CSF1R: variants seen among roughly 807,000 people sequenced by gnomAD.
The protein encoded by CSF1R is macrophage colony-stimulating factor 1 receptor.
A neutral mutation model predicts 110.0 loss-of-function variants in CSF1R; 40 were observed. That is an observed-to-expected ratio of 0.36 (90% CI 0.28 to 0.47). The LOEUF (loss-of-function observed/expected upper bound fraction) is 0.47. Among genes scored for constraint, CSF1R ranks in the 20% least tolerant of loss-of-function variants. The probability of loss-of-function intolerance (pLI) is 0.99; values close to 1 mark genes in which losing one functional copy is unlikely to be tolerated. For missense variants in CSF1R, 1,052 were observed against 1,253.0 expected (o/e 0.84, Z 2.42); for synonymous variants, 523 against 503.4 (o/e 1.04, Z -0.52).
At chr5:150,078,347 T>C (rs1333629508) in intron 3 of CSF1R, 99 bp from the exon 4 acceptor site, 2 of 1,444,190 alleles carry the variant, frequency 1.4e-6, no homozygotes, top group Non-Finnish European at 1.9e-6. Context: ...CAGGCCAGGG[T>C]CCCCATCACT....
At chr5:150,054,456 A>G (rs1191369248) in intron 19 of CSF1R, 26 bp from the exon 20 acceptor site, 37 of 1,588,878 alleles carry the variant, frequency 2.3e-5, no homozygotes, top group African/African-American at 4.0e-5. Context: ...GAGGATGCCC[A>G]TGGGCAGCTC....
chr5:150,093,796 G>C (rs934521795), intron 1 of CSF1R, among the ~76,000 whole-genome samples: 1 of 152,172 alleles, frequency 6.6e-6, no homozygotes, highest in Non-Finnish European at 1.5e-5. Flanking sequence ...GGGCACAGTG[G>C]CTCACGCCTG....
chr5:150,060,348 GAAAA>G (rs71992938), intron 13 of CSF1R, among the ~76,000 whole-genome samples: 1 of 143,770 alleles, frequency 7.0e-6, no homozygotes, highest in East Asian at 2.0e-4. Flanking sequence ...AACAAAAAAT[GAAAA>G]AAAAAAGACA....
At position 150,057,369 on chromosome 5, in the gene CSF1R, T is replaced by C. The variant is rs1270799934; in HGVS notation, c.2237A>G (p.Asp746Gly). 3 of 1,613,978 alleles carry C rather than the reference T, an allele frequency of 1.9e-6. No homozygotes were observed. Among genetic ancestry groups the C allele is most frequent in the Non-Finnish European group, 2.5e-6 (3 of 1,179,960 alleles). ...SFSEQDLDKE[D>G]GRPLELRDLL... ...GTCCCGGAGCTCCAGGGGCCGTCCATCCTCCTTGTCCAGGTCTAGGGTGGG... is the reference window on the plus strand; with the variant it reads ...GTCCCGGAGCTCCAGGGGCCGTCCACCCTCCTTGTCCAGGTCTAGGGTGGG... Residue 746 changes from aspartate to glycine, a missense_variant, in exon 16 of 21, where the codon GAT (aspartate) becomes GGT (glycine). Around this residue, in one of 5 missense-constraint regions of CSF1R, gnomAD observed 124 missense variants for 117.7 expected, o/e 1.05. Coordinates refer to ENST00000675795, the MANE Select transcript of CSF1R (RefSeq NM_001288705.3).
chr5:150,058,247 A>C (rs771690638), intron 14 of CSF1R: 1 of 456,176 alleles, frequency 2.2e-6, no homozygotes, highest in East Asian at 6.9e-5. Context: ...GAGGTGGTGC[A>C]CTTCCAACAG....
chr5:150,059,891 G>C, intron 13 of CSF1R, 29 bp from the exon 14 acceptor site: 1 of 1,590,564 alleles, frequency 6.3e-7, no homozygotes, highest in Non-Finnish European at 8.6e-7. Flanking sequence ...TGGGGTGAGG[G>C]AGGTGCTGAG....
chr5:150,096,627 A>C (rs1231665150), intron 1 of CSF1R, among the ~76,000 whole-genome samples: 1 of 152,248 alleles, frequency 6.6e-6, no homozygotes, highest in Non-Finnish European at 1.5e-5. Context: ...AAAAAGGATA[A>C]TGCATCATGT....
At chr5:150,083,013 T>C (rs1489752291) in intron 1 of CSF1R, among the ~76,000 whole-genome samples, 1 of 152,104 alleles carries the variant, frequency 6.6e-6, no homozygotes, top group Non-Finnish European at 1.5e-5. Flanking sequence ...CCAGGAAATG[T>C]GGTCAGGGAG....
chr5:150,100,314 C>CTTT (rs1561962788), intron 1 of CSF1R, among the ~76,000 whole-genome samples: 1 of 102,448 alleles, frequency 9.8e-6, no homozygotes, highest in Non-Finnish European at 1.9e-5. Context: ...TTTTTTTTTT[C>CTTT]TGAGACGGAG....
Position 150,066,269 on chromosome 5 carries a change from C to T in CSF1R, c.1626+1946G>A, listed in dbSNP as rs72832144. On this transcript the variant is annotated intron_variant, in intron 10 of 20. Coordinates refer to ENST00000675795, the MANE Select transcript of CSF1R (RefSeq NM_001288705.3). ...AGCACCCCGCTCAGTCCTCTATGTG[C>T]GTTGTGGTACGGAATCCCTCACAAC... 6.7e-3 allele frequency among the ~76,000 whole-genome samples: 1,017 copies of T among 152,296 alleles called. 12 individuals are homozygous for T. Among genetic ancestry groups the T allele is most frequent in the Non-Finnish European group, 7.3e-3 (498 of 68,022 alleles).
intron 13 of CSF1R, 60 bp from the exon 14 acceptor site, chr5:150,059,922 AG>A: frequency 6.4e-7 from 1 of 1,557,350 alleles, no homozygotes. Context: ...CATGAACAGG[AG>A]CATGAGACTG....
chr5:150,077,127 G>A (rs1758299130), intron 5 of CSF1R, 149 bp downstream of exon 5: 3 of 966,002 alleles, frequency 3.1e-6, no homozygotes, highest in Non-Finnish European at 4.9e-6. Context: ...CCTGGAGAGT[G>A]GCTCCTTAGC....
At chr5:150,085,471 A>T (rs1454653629) in intron 1 of CSF1R, among the ~76,000 whole-genome samples, 1 of 151,956 alleles carries the variant, frequency 6.6e-6, no homozygotes, top group Non-Finnish European at 1.5e-5. Flanking sequence ...CCTTTGAATA[A>T]GCAGGCAATA....
chr5:150,063,545 G>A (rs904202001), intron 10 of CSF1R, among the ~76,000 whole-genome samples: 4 of 151,820 alleles, frequency 2.6e-5, no homozygotes, highest in African/African-American at 7.3e-5. Flanking sequence ...AAAGAGAGAC[G>A]CTGCCCACTA....
chr5:150,099,060 ATTTT>A (rs58025190), intron 1 of CSF1R, among the ~76,000 whole-genome samples: 4 of 126,760 alleles, frequency 3.2e-5, no homozygotes, highest in Admixed American at 8.2e-5. Flanking sequence ...CACCCAGCTA[ATTTT>A]TTTTTTTTTT....
At chr5:150,067,903 G>T (rs1414500660) in intron 10 of CSF1R, among the ~76,000 whole-genome samples, 1 of 152,080 alleles carries the variant, frequency 6.6e-6, no homozygotes, top group Admixed American at 6.6e-5. Flanking sequence ...CACCCAGGCT[G>T]GTCCCTAACT....
intron 1 of CSF1R, among the ~76,000 whole-genome samples, chr5:150,092,345 C>A (rs1759071908): frequency 6.6e-6 from 1 of 152,212 alleles, no homozygotes; most frequent in South Asian, 2.1e-4. Context: ...TTCACATATG[C>A]ATTTACAGCA....
At chr5:150,055,610 G>T (rs2113777071) in intron 18 of CSF1R, among the ~76,000 whole-genome samples, 1 of 152,328 alleles carries the variant, frequency 6.6e-6, no homozygotes, top group Middle Eastern at 3.4e-3. Context: ...TTAAAGTGTG[G>T]ACAGTCAGGT....
chr5:150,087,858 T>G (rs369394052), upstream of CSF1R, among the ~76,000 whole-genome samples: 4 of 152,018 alleles, frequency 2.6e-5, no homozygotes, highest in Admixed American at 1.3e-4. Context: ...CTCATCCTCC[T>G]GAGTAGTTGG....
Sources: allele counts gnomAD v4.1 joint callset (sites outside exome capture counted in the v4.1 genomes callset), GRCh38; gene constraint gnomAD v4.1.1; regional missense constraint gnomAD v4.1.1; transcripts MANE v1.5; gene names NCBI Gene and HGNC (gene_info 2026-07-23, HGNC 2026-07-21).